The following DPYD variants were observed in gnomAD, a reference collection of about 807,000 sequenced individuals.
DPYD encodes the protein dihydropyrimidine dehydrogenase [NADP(+)].
In DPYD, 109 loss-of-function variants were observed where a neutral mutation model predicts 116.2. That is an observed-to-expected ratio of 0.94 (90% CI 0.80 to 1.10). The LOEUF (loss-of-function observed/expected upper bound fraction) is 1.10, where lower values mean the gene tolerates loss of function less well. DPYD is among the 50% of genes least tolerant of loss of function. DPYD has a pLI of 0.00. For missense variants in DPYD, 1,302 were observed against 1,254.5 expected (o/e 1.04, Z -0.57); for synonymous variants, 440 against 432.0 (o/e 1.02, Z -0.23).
intron 20 of DPYD, among the ~76,000 whole-genome samples, chr1:97,118,196 A>G (rs1652131964): frequency 6.6e-6 from 1 of 151,814 alleles, no homozygotes; most frequent in Non-Finnish European, 1.5e-5. Flanking sequence ...TTGCTGATGC[A>G]AGGGGGAAGT....
At chr1:97,744,203 G>C (rs1300245562) in intron 3 of DPYD, among the ~76,000 whole-genome samples, 1 of 151,974 alleles carries the variant, frequency 6.6e-6, no homozygotes, top group Non-Finnish European at 1.5e-5. Flanking sequence ...TCTAGAGAAA[G>C]AGAAACATGA....
In DPYD at chr1:97,682,641, T is replaced by C. The variant is rs74777699; in HGVS notation, c.763-3459A>G. On this transcript the variant is annotated intron_variant, in intron 7 of 22. Coordinates refer to ENST00000370192, the MANE Select transcript of DPYD (RefSeq NM_000110.4). ...ACAACTACAGCTATCAGGAACATCA[T>C]GTTGGCTGATAAGCTATGAAATCTC... Among the ~76,000 whole-genome samples, 93 of 152,292 alleles carry C rather than the reference T, an allele frequency of 6.1e-4. 1 individual carries two copies. In the East Asian group the frequency reaches 0.015, roughly 25 times the overall value.
chr1:97,591,771 T>C (rs189557621), intron 10 of DPYD, among the ~76,000 whole-genome samples: 1 of 152,186 alleles, frequency 6.6e-6, no homozygotes, highest in Non-Finnish European at 1.5e-5. Context: ...AACCTATTTC[T>C]CAAGTACAAA....
chr1:97,709,055 A>G (rs528380467), intron 5 of DPYD, among the ~76,000 whole-genome samples: 5 of 152,038 alleles, frequency 3.3e-5, no homozygotes, highest in African/African-American at 1.2e-4. Context: ...TTCTACATAG[A>G]CAATTCTGCC....
chr1:97,529,956 C>CTTCT (rs1176112317), intron 12 of DPYD, among the ~76,000 whole-genome samples: 1 of 135,714 alleles, frequency 7.4e-6, no homozygotes, highest in Non-Finnish European at 1.6e-5. Context: ...CTTTTCTTTC[C>CTTCT]TTCTTTCTTT....
chr1:97,305,194 A>T (rs1570471675), intron 18 of DPYD, 65 bp downstream of exon 18: 1 of 1,609,612 alleles, frequency 6.2e-7, no homozygotes, highest in Non-Finnish European at 8.5e-7. Context: ...AACTCTTGCA[A>T]CATGACCTTC....
intron 8 of DPYD, among the ~76,000 whole-genome samples, chr1:97,599,794 T>C: frequency 8.2e-6 from 1 of 121,468 alleles, no homozygotes; most frequent in African/African-American, 3.2e-5. Flanking sequence ...GAGGCCAAGG[T>C]GGGTGGATCA....
chr1:97,710,579 AT>A (rs1168809231), intron 5 of DPYD, among the ~76,000 whole-genome samples: 12 of 151,858 alleles, frequency 7.9e-5, no homozygotes, highest in Non-Finnish European at 1.5e-4. Context: ...TAATTTTCAT[AT>A]TATTAAAATA....
Position 97,400,961 on chromosome 1 carries a change from T to A in DPYD, c.1906-18500A>T, listed in dbSNP as rs1252419368. 7.9e-5 allele frequency among the ~76,000 whole-genome samples: 12 copies of A among 152,282 alleles called. No individual in the cohort carries two copies. The East Asian group carries it at 1.7e-3, about 22-fold the overall frequency. The stretch of plus-strand genomic sequence containing the variant: ...CGAATGAGAGCTCCTTTGCTCCAGA[T>A]CCTCATCAGAATTTGGTGTTGTCAG... On this transcript the variant is annotated intron_variant, in intron 14 of 22. Transcript: ENST00000370192.
intron 14 of DPYD, among the ~76,000 whole-genome samples, chr1:97,407,738 T>C (rs1673748119): frequency 6.6e-6 from 1 of 152,106 alleles, no homozygotes; most frequent in African/African-American, 2.4e-5. Context: ...GGGGTGTAAG[T>C]AGAAGTGACA....
intron 20 of DPYD, among the ~76,000 whole-genome samples, chr1:97,140,637 G>C (rs1215151822): frequency 6.6e-6 from 1 of 152,144 alleles, no homozygotes; most frequent in Non-Finnish European, 1.5e-5. Context: ...AAGAAGGATG[G>C]GAGAGGGAGG....
intron 3 of DPYD, among the ~76,000 whole-genome samples, chr1:97,751,535 T>C (rs1368432982): frequency 1.5e-5 from 2 of 134,000 alleles, no homozygotes; most frequent in East Asian, 4.7e-4. Context: ...CTCAATGCTT[T>C]GGGAGAATTA....
intron 8 of DPYD, among the ~76,000 whole-genome samples, chr1:97,626,594 C>T (rs961855344): frequency 1.8e-4 from 27 of 152,030 alleles, no homozygotes; most frequent in African/African-American, 6.0e-4. Flanking sequence ...GTGATATATA[C>T]ATTTCACAAA....
intron 14 of DPYD, among the ~76,000 whole-genome samples, chr1:97,427,717 C>CT (rs1674951406): frequency 6.6e-6 from 1 of 151,888 alleles, no homozygotes. Flanking sequence ...AAATCTCTCC[C>CT]TGAAAATGCA....
At chr1:97,344,412 A>G (rs908215350) in intron 16 of DPYD, among the ~76,000 whole-genome samples, 4 of 152,082 alleles carry the variant, frequency 2.6e-5, no homozygotes, top group South Asian at 2.1e-4. Context: ...ACAATTGTAC[A>G]AAGAAATGAA....
At chr1:97,222,564 C>T (rs1198605186) in intron 19 of DPYD, among the ~76,000 whole-genome samples, 1 of 151,990 alleles carries the variant, frequency 6.6e-6, no homozygotes, top group African/African-American at 2.4e-5. Flanking sequence ...AATCAAGATG[C>T]TTTTTAAATA....
At chr1:97,668,437 A>T (rs2100887842) in intron 8 of DPYD, among the ~76,000 whole-genome samples, 1 of 152,186 alleles carries the variant, frequency 6.6e-6, no homozygotes, top group Admixed American at 6.6e-5. Flanking sequence ...TTTGCACAGA[A>T]CTCAATAAAT....
At chr1:97,900,332 C>T (rs1673298077) in intron 1 of DPYD, among the ~76,000 whole-genome samples, 1 of 151,788 alleles carries the variant, frequency 6.6e-6, no homozygotes, top group Non-Finnish European at 1.5e-5. Context: ...CCGCTTTTAG[C>T]AATTTTTCCC....
At chr1:97,285,333 A>G (rs903452985) in intron 18 of DPYD, among the ~76,000 whole-genome samples, 2 of 152,230 alleles carry the variant, frequency 1.3e-5, no homozygotes, top group Non-Finnish European at 2.9e-5. Context: ...GTTCTATCCT[A>G]TGGCATCAGA....
Sources: gnomAD v4.1 joint callset for allele counts (sites outside exome capture counted in the v4.1 genomes callset) on GRCh38, gnomAD v4.1.1 for gene constraint, MANE v1.5 for transcripts, NCBI Gene and HGNC (gene_info 2026-07-23, HGNC 2026-07-21) for gene names.